GAREM1: variants seen among roughly 807,000 people sequenced by gnomAD.
GAREM1 encodes GRB2 associated regulator of MAPK1 subtype 1.
GAREM1 carries 26 observed loss-of-function variants against 71.3 expected under a neutral mutation model. The ratio of observed to expected loss-of-function variants is 0.36; its 90% confidence interval spans 0.27 to 0.51. GAREM1 has a LOEUF of 0.51. Among genes scored for constraint, GAREM1 ranks in the 20% least tolerant of loss-of-function variants. The pLI, the probability that GAREM1 is intolerant of heterozygous loss-of-function variation, is 0.95. For synonymous variants in GAREM1, 440 were observed against 433.2 expected (o/e 1.02, Z -0.20); for missense variants, 1,026 against 1,103.1 (o/e 0.93, Z 0.99).
intron 2 of GAREM1, among the ~76,000 whole-genome samples, chr18:32,389,042 A>T (rs771924451): frequency 7.2e-5 from 11 of 152,152 alleles, no homozygotes; most frequent in South Asian, 2.1e-4. Context: ...ATTTGTCTGT[A>T]TTTGTATGTG....
chr18:32,420,713 C>G (rs1004156559), intron 1 of GAREM1, among the ~76,000 whole-genome samples: 3 of 150,318 alleles, frequency 2.0e-5, no homozygotes, highest in Admixed American at 6.6e-5. Context: ...GAGTTTGAGA[C>G]CAGCCTGGGC....
At position 32,445,476 on chromosome 18, in the gene GAREM1, C is replaced by G. The variant is rs567663137; in HGVS notation, c.121+24832G>C. On this transcript the variant is annotated intron_variant, in intron 1 of 5. Coordinates refer to ENST00000269209, the MANE Select transcript of GAREM1 (RefSeq NM_001242409.2). ...CTTCCAATAGGGGTATATACTCCCC[C>G]CTAGAACCCCATTCACATTGTTATT... Among the ~76,000 whole-genome samples the G allele has an allele frequency of 1.5e-3, 232 of 151,934 alleles. 1 individual carries two copies. Among genetic ancestry groups the G allele is most frequent in the Non-Finnish European group, 2.8e-3 (191 of 67,986 alleles).
chr18:32,279,491 C>T (rs193275268), intron 4 of GAREM1, among the ~76,000 whole-genome samples: 22 of 152,270 alleles, frequency 1.4e-4, no homozygotes, highest in Middle Eastern at 3.4e-3. Flanking sequence ...ATCTAGGTTG[C>T]GTATTCCTTA....
chr18:32,430,723 A>G (rs1271531924), intron 1 of GAREM1, among the ~76,000 whole-genome samples: 1 of 152,246 alleles, frequency 6.6e-6, no homozygotes, highest in East Asian at 1.9e-4. Flanking sequence ...AGTGGCGGCA[A>G]CAGCTAGGTA....
At chr18:32,447,529 T>G (rs955494411) in intron 1 of GAREM1, among the ~76,000 whole-genome samples, 10 of 151,850 alleles carry the variant, frequency 6.6e-5, no homozygotes, top group African/African-American at 2.4e-4. Flanking sequence ...TTAATATTAA[T>G]GCAACATTTT....
At chr18:32,286,945 G>C in intron 4 of GAREM1, 86 bp downstream of exon 4, 1 of 958,956 alleles carries the variant, frequency 1.0e-6, no homozygotes, top group Non-Finnish European at 1.6e-6. Context: ...ATCTTCAGTT[G>C]GGGAGTTTTA....
At chr18:32,342,644 T>C (rs1253250665) in intron 2 of GAREM1, among the ~76,000 whole-genome samples, 3 of 152,332 alleles carry the variant, frequency 2.0e-5, no homozygotes, top group South Asian at 2.1e-4. Context: ...AATTGTCTGA[T>C]TGTCTCTCTA....
intron 2 of GAREM1, among the ~76,000 whole-genome samples, chr18:32,312,450 T>C (rs1156530250): frequency 6.6e-6 from 1 of 152,122 alleles, no homozygotes; most frequent in Non-Finnish European, 1.5e-5. Flanking sequence ...AACTGTAGGA[T>C]TCAGCAACTT....
At chr18:32,271,086 TAGTAGAGATGAAGTTTC>T (rs1318900182) in intron 4 of GAREM1, among the ~76,000 whole-genome samples, 1 of 152,030 alleles carries the variant, frequency 6.6e-6, no homozygotes, top group Non-Finnish European at 1.5e-5. Context: ...TTTGTATTTT[TAGTAGAGATGAAGTTTC>T]ACCATGTTGC....
At chr18:32,403,377 T>C (rs535542708) in intron 1 of GAREM1, among the ~76,000 whole-genome samples, 1 of 152,270 alleles carries the variant, frequency 6.6e-6, no homozygotes, top group East Asian at 1.9e-4. Flanking sequence ...TACCACCTTA[T>C]GTTACCCCCT....
intron 3 of GAREM1, among the ~76,000 whole-genome samples, chr18:32,293,518 T>C (rs1353469540): frequency 6.6e-6 from 1 of 152,218 alleles, no homozygotes; most frequent in African/African-American, 2.4e-5. Context: ...CAAGGAAGAC[T>C]GGAAAATCAT....
chr18:32,412,334 A>G, intron 1 of GAREM1: 1 of 1,594,342 alleles, frequency 6.3e-7, no homozygotes, highest in South Asian at 1.1e-5. Flanking sequence ...TTCTGCCTCC[A>G]AAATTTCCTC....
At chr18:32,289,740 C>T (rs2047061367) in intron 3 of GAREM1, among the ~76,000 whole-genome samples, 1 of 152,098 alleles carries the variant, frequency 6.6e-6, no homozygotes, top group African/African-American at 2.4e-5. Flanking sequence ...GGGGAAGCTG[C>T]TGTTTGCATC....
chr18:32,436,425 A>G (rs2048679412), intron 1 of GAREM1, among the ~76,000 whole-genome samples: 1 of 152,228 alleles, frequency 6.6e-6, no homozygotes. Context: ...ACAAGAGGAC[A>G]TATATTTATC....
At chr18:32,421,319 C>T (rs2048517698) in intron 1 of GAREM1, among the ~76,000 whole-genome samples, 1 of 152,020 alleles carries the variant, frequency 6.6e-6, no homozygotes, top group Admixed American at 6.6e-5. Flanking sequence ...TGTCATTGTT[C>T]TAACTCATTG....
intron 2 of GAREM1, among the ~76,000 whole-genome samples, chr18:32,357,440 C>G (rs2047817214): frequency 6.6e-6 from 1 of 152,218 alleles, no homozygotes; most frequent in South Asian, 2.1e-4. Flanking sequence ...AAGTGCTTAG[C>G]CTCTCACTCT....
At chr18:32,319,664 A>G (rs1000165668) in intron 2 of GAREM1, among the ~76,000 whole-genome samples, 9 of 152,162 alleles carry the variant, frequency 5.9e-5, no homozygotes, top group African/African-American at 2.2e-4. Flanking sequence ...AGGGTGAAAA[A>G]GTAAGTCTCC....
At chr18:32,450,346 T>A (rs17811780) in intron 1 of GAREM1, among the ~76,000 whole-genome samples, 1 of 152,160 alleles carries the variant, frequency 6.6e-6, no homozygotes, top group East Asian at 1.9e-4. Context: ...TTAAAAAAGC[T>A]AAATCCTGTT....
At chr18:32,314,827 T>C (rs2047360434) in intron 2 of GAREM1, among the ~76,000 whole-genome samples, 1 of 152,084 alleles carries the variant, frequency 6.6e-6, no homozygotes, top group Non-Finnish European at 1.5e-5. Context: ...GACCTCGTGA[T>C]CCACCTGCCT....
Sources: gnomAD v4.1 joint callset for allele counts (sites outside exome capture counted in the v4.1 genomes callset) on GRCh38, gnomAD v4.1.1 for gene constraint, MANE v1.5 for transcripts, NCBI Gene and HGNC (gene_info 2026-07-23, HGNC 2026-07-21) for gene names.